TMCC1: variants seen among roughly 807,000 people sequenced by gnomAD.
The protein encoded by TMCC1 is transmembrane and coiled-coil domains protein 1.
Under a neutral mutation model 52.4 loss-of-function variants are expected in TMCC1, and 15 were observed. The ratio of observed to expected loss-of-function variants is 0.29; its 90% CI spans 0.19 to 0.44. TMCC1 has a LOEUF of 0.44. TMCC1 is among the 20% of genes least tolerant of loss of function. The pLI, the probability that TMCC1 is intolerant of heterozygous loss-of-function variation, is 1.00. For missense variants in TMCC1, 503 were observed against 806.0 expected (o/e 0.62, Z 4.55); for synonymous variants, 279 against 301.9 (o/e 0.92, Z 0.79).
chr3:129,699,989 T>C (rs1443608599), intron 4 of TMCC1, among the ~76,000 whole-genome samples: 1 of 152,200 alleles, frequency 6.6e-6, no homozygotes, highest in African/African-American at 2.4e-5. Context: ...TTACTATTTT[T>C]TTCACTGAGT....
chr3:129,741,487 C>T (rs2051452940), intron 4 of TMCC1, among the ~76,000 whole-genome samples: 1 of 152,116 alleles, frequency 6.6e-6, no homozygotes, highest in African/African-American at 2.4e-5. Flanking sequence ...ATGATTTATT[C>T]AAGGTCACAC....
intron 4 of TMCC1, among the ~76,000 whole-genome samples, chr3:129,812,530 T>C (rs1415267073): frequency 2.0e-5 from 3 of 152,012 alleles, no homozygotes; most frequent in Admixed American, 1.3e-4. Context: ...AGATATTTTA[T>C]TGAAGAAGCT....
At chr3:129,741,768 A>G (rs1018871492) in intron 4 of TMCC1, among the ~76,000 whole-genome samples, 3 of 152,142 alleles carry the variant, frequency 2.0e-5, no homozygotes, top group Non-Finnish European at 4.4e-5. Flanking sequence ...TCCACAACTT[A>G]TTAAACAGAA....
chr3:129,688,536 A>G, intron 4 of TMCC1: 2 of 985,442 alleles, frequency 2.0e-6, no homozygotes, highest in East Asian at 1.1e-4. Context: ...CCACATTAAT[A>G]CCCTCGCATA....
intron 4 of TMCC1, among the ~76,000 whole-genome samples, chr3:129,674,334 A>C (rs973827872): frequency 6.6e-6 from 1 of 152,212 alleles, no homozygotes; most frequent in Non-Finnish European, 1.5e-5. Flanking sequence ...CATGCCTGCA[A>C]GAGTATAGCT....
Position 129,774,891 on chromosome 3 carries a change from G to A in TMCC1, c.576+52912C>T, listed in dbSNP as rs1040972471. On this transcript the variant is annotated intron_variant, in intron 4 of 6. Coordinates refer to ENST00000393238, the MANE Select transcript of TMCC1 (RefSeq NM_001017395.5). ...GAATCTCTACAGATCATGTTAGGAA[G>A]TTTGAACTTTATCCTAAGGGAGGTA... is the stretch of plus-strand genomic sequence containing the variant. Among the ~76,000 whole-genome samples the A allele has an allele frequency of 1.1e-4, 17 of 152,306 alleles. No homozygotes were observed. The Middle Eastern group carries it at 0.01, about 91-fold the overall frequency.
chr3:129,716,904 C>T (rs1480945323), intron 4 of TMCC1, among the ~76,000 whole-genome samples: 2 of 152,168 alleles, frequency 1.3e-5, no homozygotes, highest in Admixed American at 6.5e-5. Flanking sequence ...CTATTGTTAT[C>T]GGACTCTACA....
chr3:129,709,148 A>G (rs925948191), intron 4 of TMCC1, among the ~76,000 whole-genome samples: 2 of 152,132 alleles, frequency 1.3e-5, no homozygotes, highest in Non-Finnish European at 2.9e-5. Flanking sequence ...CAGTTTTACC[A>G]TAAGACTCGT....
At chr3:129,653,681 G>T (rs1012583281) in intron 6 of TMCC1, among the ~76,000 whole-genome samples, 1 of 151,902 alleles carries the variant, frequency 6.6e-6, no homozygotes, top group African/African-American at 2.4e-5. Flanking sequence ...CTTGTGATCC[G>T]CCCGCCTCGG....
At chr3:129,741,952 G>A (rs1247410448) in intron 4 of TMCC1, among the ~76,000 whole-genome samples, 1 of 152,092 alleles carries the variant, frequency 6.6e-6, no homozygotes, top group Non-Finnish European at 1.5e-5. Context: ...AGACTGGAAT[G>A]CTATCATTTC....
intron 4 of TMCC1, among the ~76,000 whole-genome samples, chr3:129,818,023 T>C (rs1368478175): frequency 6.6e-6 from 1 of 152,134 alleles, no homozygotes; most frequent in African/African-American, 2.4e-5. Flanking sequence ...TTGGCCAGGC[T>C]GGTCTCAAAC....
chr3:129,839,103 A>G (rs1460659020), intron 2 of TMCC1, among the ~76,000 whole-genome samples: 5 of 152,242 alleles, frequency 3.3e-5, no homozygotes. Context: ...AGAAAAATAT[A>G]TAAAAGTGAG....
chr3:129,746,147 A>T (rs1048287773), intron 4 of TMCC1, among the ~76,000 whole-genome samples: 7 of 151,850 alleles, frequency 4.6e-5, no homozygotes, highest in Admixed American at 4.6e-4. Flanking sequence ...ATTAATAAAT[A>T]TGCATATAGC....
chr3:129,879,207 G>A (rs1424360235), intron 2 of TMCC1, among the ~76,000 whole-genome samples: 1 of 152,186 alleles, frequency 6.6e-6, no homozygotes, highest in Non-Finnish European at 1.5e-5. Context: ...TTGGGAGGCC[G>A]AGGTGGAAGG....
Position 129,754,223 on chromosome 3 carries a change from GA to G in TMCC1, c.576+73579del, listed in dbSNP as rs2052787181. ...GAAAAACTACAAAACACTGATAAAAGAAACCAAAGAAGAGTCAAATAAATGG... is the reference window on the plus strand; with the variant it reads ...GAAAAACTACAAAACACTGATAAAAGAACCAAAGAAGAGTCAAATAAATGG... On this transcript the variant is annotated intron_variant, in intron 4 of 6. Coordinates refer to ENST00000393238, the MANE Select transcript of TMCC1 (RefSeq NM_001017395.5). Among the ~76,000 whole-genome samples, 4 of 152,202 alleles carry G rather than the reference GA, an allele frequency of 2.6e-5. No individual in the cohort carries two copies. The South Asian group carries it at 8.3e-4, about 32-fold the overall frequency.
At chr3:129,726,078 C>G (rs1345883419) in intron 4 of TMCC1, among the ~76,000 whole-genome samples, 1 of 152,092 alleles carries the variant, frequency 6.6e-6, no homozygotes, top group Non-Finnish European at 1.5e-5. Flanking sequence ...TGTACAGGTA[C>G]AGACTTTGGG....
In TMCC1 at chr3:129,670,810, A is replaced by G; in HGVS notation, c.1031T>C (p.Val344Ala). 6.2e-7 allele frequency: 1 copy of G among 1,614,068 alleles called. No individual in the cohort carries two copies. Among genetic ancestry groups the G allele is most frequent in the Non-Finnish European group, 8.5e-7 (1 of 1,180,014 alleles). The change falls in exon 5 of 7, where the codon GTG becomes GCG. Residue 344 changes from valine to alanine, a missense_variant. By Grantham distance (64) the Val-to-Ala change is moderately conservative. This residue lies in a region of TMCC1 where 73 missense variants were observed against 182.9 expected (regional missense o/e 0.40). Transcript: ENST00000393238. ...AKVTGFSEGVVDSVKGGFSSF... is the reference protein window; with the variant it reads ...AKVTGFSEGVADSVKGGFSSF... ...GGAAAACCCACCTTTGACACTATCC[A>G]CCACACCTTCACTGAAGCCAGTCAC...
At chr3:129,703,112 C>T (rs186797963) in intron 4 of TMCC1, among the ~76,000 whole-genome samples, 16 of 152,260 alleles carry the variant, frequency 1.1e-4, no homozygotes, top group Non-Finnish European at 1.3e-4. Context: ...GGGGATAAAC[C>T]CACATACAAA....
intron 4 of TMCC1, among the ~76,000 whole-genome samples, chr3:129,678,551 G>T (rs1313107700): frequency 6.6e-6 from 1 of 150,994 alleles, no homozygotes; most frequent in South Asian, 2.1e-4. Context: ...TAGTAGAGAC[G>T]GAGTTTCACC....
Sources: allele counts gnomAD v4.1 joint callset (sites outside exome capture counted in the v4.1 genomes callset), GRCh38; gene constraint gnomAD v4.1.1; regional missense constraint gnomAD v4.1.1; transcripts MANE v1.5; gene names NCBI Gene and HGNC (gene_info 2026-07-23, HGNC 2026-07-21).